Variants in VNN1 observed in about 807,000 individuals in gnomAD.
The protein encoded by VNN1 is pantetheinase.
Under a neutral mutation model 41.9 loss-of-function variants are expected in VNN1, and 29 were observed. That is an observed-to-expected ratio of 0.69 (90% CI 0.52 to 0.94). The LOEUF (loss-of-function observed/expected upper bound fraction) is 0.94, where lower values mean the gene tolerates loss of function less well. Among genes scored for constraint, VNN1 ranks in the 40% least tolerant of loss-of-function variants. The probability of loss-of-function intolerance (pLI) is 0.00; values close to 1 mark genes in which losing one functional copy is unlikely to be tolerated. For missense variants in VNN1, 637 were observed against 621.1 expected, an observed-to-expected ratio of 1.03 and a Z score of -0.27; for synonymous variants, 233 against 224.4, an observed-to-expected ratio of 1.04 and a Z score of -0.34.
chr6:132,698,064 T>C (rs2223613), intron 2 of VNN1, among the ~76,000 whole-genome samples: 65,844 of 152,054 alleles, frequency 0.43, 15,388 homozygotes, highest in African/African-American at 0.6. Context: ...GTTTGGCGTA[T>C]ACATAAAATG....
chr6:132,707,947 A>C (rs917110177), intron 2 of VNN1, among the ~76,000 whole-genome samples: 2 of 152,210 alleles, frequency 1.3e-5, no homozygotes, highest in Non-Finnish European at 2.9e-5. Context: ...AATGGTTTGT[A>C]ATACAAAGGA....
Position 132,713,909 on chromosome 6 carries a change from G to A in VNN1, c.127C>T (p.Pro43Ser). The A allele has an allele frequency of 6.2e-7, 1 of 1,614,060 alleles. No homozygotes were observed. Among genetic ancestry groups the A allele is most frequent in the African/African-American group, 1.3e-5 (1 of 75,038 alleles). The change falls in exon 1 of 7, where the codon CCA (proline) becomes TCA (serine). Residue 43 changes from proline (P) to serine (S), a missense_variant. Transcript: ENST00000367928. ...GCCAAAGCCTCCTCACGAGACACTG[G>A]TGTTAGGGTGGCATTGGGCAATATC... ...AAILPNATLT[P>S]VSREEALALM...
At chr6:132,692,940 T>C (rs781004305) in intron 4 of VNN1, 84 bp downstream of exon 4, 7 of 1,401,306 alleles carry the variant, frequency 5.0e-6, no homozygotes, top group Non-Finnish European at 6.6e-6. Flanking sequence ...TATTAAGGAG[T>C]ATGCGTTAGC....
intron 2 of VNN1, among the ~76,000 whole-genome samples, chr6:132,695,404 T>C (rs1778353989): frequency 2.0e-5 from 3 of 152,212 alleles, no homozygotes; most frequent in African/African-American, 7.2e-5. Context: ...CCTGTCCCTG[T>C]GACAGGCTGC....
rs77103658 is a variant in VNN1 at position 132,691,225 on chromosome 6, C to T, written c.1188+998G>A. Among the ~76,000 whole-genome samples, 626 of 151,836 alleles carry T rather than the reference C, an allele frequency of 4.1e-3. 7 individuals are homozygous for T. The highest frequency in any genetic ancestry group is 0.014 in the African/African-American group (574 of 41,544). On this transcript the variant is annotated intron_variant, in intron 5 of 6. Transcript: ENST00000367928. ...TAGAAGTCAGTGAAGAATTTTAAGC[C>T]AGACAGTATTATAATCAAAAACAGC... is the stretch of plus-strand genomic sequence containing the variant.
At chr6:132,707,119 G>A (rs1046261920) in intron 2 of VNN1, among the ~76,000 whole-genome samples, 5 of 151,616 alleles carry the variant, frequency 3.3e-5, no homozygotes, top group African/African-American at 4.9e-5. Flanking sequence ...CCAGCTACTC[G>A]TGAGGCTGAG....
chr6:132,700,594 C>T (rs948603013), intron 2 of VNN1, among the ~76,000 whole-genome samples: 2 of 152,092 alleles, frequency 1.3e-5, no homozygotes, highest in Non-Finnish European at 2.9e-5. Flanking sequence ...AAGCAGAACA[C>T]CAGAGGCTGG....
chr6:132,700,924 T>C (rs1778441114), intron 2 of VNN1, among the ~76,000 whole-genome samples: 1 of 152,174 alleles, frequency 6.6e-6, no homozygotes, highest in Non-Finnish European at 1.5e-5. Flanking sequence ...GATTCCATAA[T>C]GGTATAATGG....
rs45514398 is a variant in VNN1 at position 132,684,989 on chromosome 6, A to T, written c.1189-484T>A. ...TATCTTCATTGTTCTCAAGTTACTA[A>T]TGATTTTAATTATCAAGAATTTAAA... On this transcript the variant is annotated intron_variant, in intron 5 of 6. Coordinates refer to ENST00000367928, the MANE Select transcript of VNN1 (RefSeq NM_004666.3). Among the ~76,000 whole-genome samples, 1,101 of 152,346 alleles carry T rather than the reference A, an allele frequency of 7.2e-3. 18 individuals carry two copies. The highest frequency in any genetic ancestry group is 0.025 in the African/African-American group (1,030 of 41,574).
intron 6 of VNN1, among the ~76,000 whole-genome samples, chr6:132,683,639 A>G (rs1267415534): frequency 3.9e-5 from 6 of 152,210 alleles, no homozygotes; most frequent in African/African-American, 1.2e-4. Flanking sequence ...GACAAGATAA[A>G]GACTCCCCAC....
At chr6:132,703,289 T>C (rs1778473627) in intron 2 of VNN1, among the ~76,000 whole-genome samples, 1 of 152,178 alleles carries the variant, frequency 6.6e-6, no homozygotes, top group South Asian at 2.1e-4. Context: ...GGTGTAAACT[T>C]CTCATATCTT....
chr6:132,688,417 T>TC (rs747921522), intron 5 of VNN1, among the ~76,000 whole-genome samples: 3 of 152,156 alleles, frequency 2.0e-5, no homozygotes, highest in Non-Finnish European at 4.4e-5. Flanking sequence ...AATATCACCG[T>TC]CTAGCAAGAT....
intron 5 of VNN1, among the ~76,000 whole-genome samples, chr6:132,686,453 A>G (rs993839763): frequency 6.6e-6 from 1 of 152,334 alleles, no homozygotes; most frequent in South Asian, 2.1e-4. Flanking sequence ...CTCAAAAAAA[A>G]CAAAGTTTAT....
chr6:132,701,711 A>G (rs1200248126), intron 2 of VNN1, among the ~76,000 whole-genome samples: 1 of 152,262 alleles, frequency 6.6e-6, no homozygotes, highest in East Asian at 1.9e-4. Context: ...GAGTAATCAC[A>G]GTACCTTGTT....
intron 5 of VNN1, among the ~76,000 whole-genome samples, chr6:132,691,067 T>C (rs913088646): frequency 8.5e-5 from 13 of 152,084 alleles, no homozygotes; most frequent in Non-Finnish European, 1.9e-4. Flanking sequence ...AAATAGGAGA[T>C]GGGAAAATAT....
At chr6:132,711,934 C>G (rs1392943285) in intron 1 of VNN1, 95 bp from the exon 2 acceptor site, 4 of 1,197,292 alleles carry the variant, frequency 3.3e-6, no homozygotes, top group African/African-American at 3.2e-5. Context: ...CCCCCACACC[C>G]CTTAAATCTT....
At chr6:132,695,710 C>T (rs1291960220) in intron 2 of VNN1, among the ~76,000 whole-genome samples, 2 of 151,968 alleles carry the variant, frequency 1.3e-5, no homozygotes, top group African/African-American at 4.8e-5. Context: ...AAGGAATAAG[C>T]AATTAAATAT....
chr6:132,685,731 G>C (rs140864468), intron 5 of VNN1, among the ~76,000 whole-genome samples: 1 of 152,312 alleles, frequency 6.6e-6, no homozygotes, highest in African/African-American at 2.4e-5. Flanking sequence ...AGTTGTGGCA[G>C]TCAAAGGAAA....
rs45549237 is a variant in VNN1 at position 132,681,325 on chromosome 6, G to T, written c.*1815C>A. Among the ~76,000 whole-genome samples, 7 of 152,162 alleles carry T rather than the reference G, an allele frequency of 4.6e-5. No homozygotes were observed. In the East Asian group the frequency reaches 1.3e-3, roughly 29 times the overall value. On this transcript the variant is annotated 3_prime_UTR_variant, in exon 7 of 7. Transcript: ENST00000367928. Reference sequence around the variant, plus strand: ...CCTAAAGAATGGAGGCCTGGCAACCGCCGTGAGTGAGCTGAGAAGCAGATT... The same window carrying T: ...CCTAAAGAATGGAGGCCTGGCAACCTCCGTGAGTGAGCTGAGAAGCAGATT...
Sources: allele counts gnomAD v4.1 joint callset (sites outside exome capture counted in the v4.1 genomes callset), GRCh38; gene constraint gnomAD v4.1.1; transcripts MANE v1.5; gene names NCBI Gene and HGNC (gene_info 2026-07-23, HGNC 2026-07-21).